Variants in MYH9 observed in about 807,000 individuals in gnomAD.
MYH9 encodes the protein myosin-9.
Under a neutral mutation model 241.9 loss-of-function variants are expected in MYH9, and 29 were observed. The observed-to-expected ratio is 0.12, with a 90% confidence interval of 0.09 to 0.16. The LOEUF is 0.16. MYH9 is among the 10% of genes least tolerant of loss of function. The pLI, the probability that MYH9 is intolerant of heterozygous loss-of-function variation, is 1.00. For missense variants in MYH9, 1,803 were observed against 2,595.5 expected (o/e 0.69, Z 6.63); for synonymous variants, 1,047 against 1,062.6 (o/e 0.99, Z 0.29).
intron 10 of MYH9, 105 bp downstream of exon 10, chr22:36,319,435 A>G (rs906017285): frequency 2.0e-5 from 21 of 1,052,642 alleles, no homozygotes; most frequent in Non-Finnish European, 2.9e-5. Context: ...AGATACTAAC[A>G]TTAAAAAGAA....
In MYH9 at chr22:36,296,869, C is replaced by T. The variant is rs147961725; in HGVS notation, c.3246G>A (p.Glu1082=). 84 of 1,612,606 alleles carry T rather than the reference C, an allele frequency of 5.2e-5. No individual in the cohort carries two copies. In the African/African-American group the frequency reaches 9.5e-4, roughly 18 times the overall value. The change falls in exon 25 of 41, where the codon GAG becomes GAA. Residue 1082 remains glutamate (E), a synonymous_variant. Coordinates refer to ENST00000216181, the MANE Select transcript of MYH9 (RefSeq NM_002473.6). ...TGGCCAGGGCGGCCTGGAGCTCCTC[C>T]TCTTTCTTGGCCAGCTGCATCTTGA... ...AELKMQLAKK[E]EELQAALARV...
chr22:36,348,157 A>G (rs1400416307), intron 2 of MYH9, among the ~76,000 whole-genome samples: 1 of 149,314 alleles, frequency 6.7e-6, no homozygotes, highest in Non-Finnish European at 1.5e-5. Context: ...AAAGATATTT[A>G]AAAAATAAAA....
Position 36,342,655 on chromosome 22 carries a change from A to C in MYH9, c.334-1129T>G, listed in dbSNP as rs145101735. Among the ~76,000 whole-genome samples the C allele has an allele frequency of 2.5e-3, 380 of 152,258 alleles. 15 individuals carry two copies. The East Asian group carries it at 0.064, about 26-fold the overall frequency. ...CCAAAAAAAAAAAAAAGATTCCTAA[A>C]AGCTGCGCAAGACTCCCAAGACCAC... On this transcript the variant is annotated intron_variant, in intron 2 of 40. Coordinates refer to ENST00000216181, the MANE Select transcript of MYH9 (RefSeq NM_002473.6).
At position 36,282,367 on chromosome 22, in the gene MYH9, T is replaced by C; in HGVS notation, c.*301A>G. On this transcript the variant is annotated 3_prime_UTR_variant, in exon 41 of 41. Transcript: ENST00000216181. ...GGCCTGCCCTGCTCGCCTCAACATCTTGTGCTTTTTGGCAAGAGAGGGCTG... is the reference window on the plus strand; with the variant it reads ...GGCCTGCCCTGCTCGCCTCAACATCCTGTGCTTTTTGGCAAGAGAGGGCTG... The C allele has an allele frequency of 1.8e-6, 1 of 560,180 alleles. No individual in the cohort carries two copies. Among genetic ancestry groups the C allele is most frequent in the South Asian group, 2.0e-5 (1 of 49,664 alleles). The allele number at this position is 560,180 out of a possible 1,614,324, so 34.7% of individuals were successfully genotyped here. A position where few individuals can be genotyped will look rare whatever the true frequency, so the allele number is the denominator to read the frequency against.
chr22:36,368,888 T>C (rs984634832), intron 1 of MYH9, among the ~76,000 whole-genome samples: 40 of 138,598 alleles, frequency 2.9e-4, no homozygotes, highest in African/African-American at 1.0e-3. Flanking sequence ...TTCAGATTCT[T>C]GTGTAAAAGC....
Position 36,285,792 on chromosome 22 carries a change from G to C in MYH9, c.5151-11C>G, listed in dbSNP as rs760895494. 6.2e-7 allele frequency: 1 copy of C among 1,609,976 alleles called. No homozygotes were observed. Among genetic ancestry groups the C allele is most frequent in the South Asian group, 1.1e-5 (1 of 90,614 alleles). ...TCTAACGCCAGGGCTCTGCGGGGTG[G>C]GCGGGAGAAGTGAGGGGCCTACCCT... On this transcript the variant is annotated splice_polypyrimidine_tract_variant and intron_variant, in intron 36 of 40. Coordinates refer to ENST00000216181, the MANE Select transcript of MYH9 (RefSeq NM_002473.6). This position sits in a 1 kb window ranked among gnomAD's most constrained non-coding sequence, Gnocchi z 7.0.
Position 36,305,836 on chromosome 22 carries a change from C to A in MYH9, c.2159+94G>T. On this transcript the variant is annotated intron_variant, in intron 17 of 40. Transcript: ENST00000216181. The surrounding 1 kb of genome is among the most constrained non-coding windows in gnomAD (Gnocchi z 4.7). ...ATGGATGGAGGACGTCGCTCCCTCA[C>A]GACAGGATCCTGCCAGGGAGCAGCA... The A allele has an allele frequency of 1.9e-6, 3 of 1,579,138 alleles. No homozygotes were observed. The highest frequency in any genetic ancestry group is 2.2e-5 in the East Asian group (1 of 44,530).
chr22:36,310,767 AG>A (rs2017049426), intron 14 of MYH9, among the ~76,000 whole-genome samples: 1 of 152,212 alleles, frequency 6.6e-6, no homozygotes, highest in African/African-American at 2.4e-5. Flanking sequence ...GGTGGGCTTT[AG>A]GGTATTCCTA....
chr22:36,319,480 G>A (rs1323199160), intron 10 of MYH9, 60 bp downstream of exon 10: 40 of 1,519,960 alleles, frequency 2.6e-5, no homozygotes, highest in Non-Finnish European at 3.1e-5. Flanking sequence ...CTTCCCTCCT[G>A]AGCAAATCCA....
Position 36,285,394 on chromosome 22 carries a change from C to T in MYH9, c.5275-65G>A. On this transcript the variant is annotated intron_variant, in intron 37 of 40. Transcript: ENST00000216181. This position sits in a 1 kb window ranked among gnomAD's most constrained non-coding sequence, Gnocchi z 7.0. ...CCCTGGCTGGAGGGCATGAGCAGGG[C>T]CAGAGGAAGGTGGCAGCAGGATCCC... is the stretch of plus-strand genomic sequence containing the variant. The T allele has an allele frequency of 1.3e-6, 2 of 1,538,666 alleles. No homozygotes were observed. Among genetic ancestry groups the T allele is most frequent in the Non-Finnish European group, 8.9e-7 (1 of 1,123,770 alleles).
chr22:36,288,517 G>A lies in MYH9; in HGVS notation c.4771-104C>T. The A allele has an allele frequency of 4.7e-6, 7 of 1,494,898 alleles. No individual in the cohort carries two copies. The highest frequency in any genetic ancestry group is 1.1e-5 in the South Asian group (1 of 88,060). 92.6% of individuals were successfully genotyped at this position (1,494,898 alleles called of 1,614,324 possible). A position where few individuals can be genotyped will look rare whatever the true frequency, so the allele number is the denominator to read the frequency against. On this transcript the variant is annotated intron_variant, in intron 33 of 40. Coordinates refer to ENST00000216181, the MANE Select transcript of MYH9 (RefSeq NM_002473.6). This position sits in a 1 kb window ranked among gnomAD's most constrained non-coding sequence, Gnocchi z 4.8. The stretch of plus-strand genomic sequence containing the variant: ...AGGCCAGTTCTGCAGGATCCATGGG[G>A]CCTCGGGAAACCAGTGGGGATTACT...
intron 1 of MYH9, among the ~76,000 whole-genome samples, chr22:36,376,888 C>T (rs1303199968): frequency 6.6e-6 from 1 of 152,090 alleles, no homozygotes; most frequent in Non-Finnish European, 1.5e-5. Context: ...CATGGTGAAA[C>T]CCTGTCTCTA....
rs748117696 is a variant in MYH9, at chr22:36,300,336, G to A, written c.2839-72C>T. 94 of 1,596,178 alleles carry A rather than the reference G, an allele frequency of 5.9e-5. No individual in the cohort carries two copies. The highest frequency in any genetic ancestry group is 1.7e-4 in the Middle Eastern group (1 of 5,996). On this transcript the variant is annotated intron_variant, in intron 22 of 40. Transcript: ENST00000216181. The surrounding 1 kb of genome is among the most constrained non-coding windows in gnomAD (Gnocchi z 5.0). ...GGCCAAGGTGAAGGCAGCAAGGTCC[G>A]AAGGCCAGATCCAAACGCCAAGGAG...
intron 5 of MYH9, among the ~76,000 whole-genome samples, chr22:36,324,084 C>T (rs2017298054): frequency 6.6e-6 from 1 of 152,244 alleles, no homozygotes; most frequent in Non-Finnish European, 1.5e-5. Flanking sequence ...TTCCCGCAGA[C>T]AGAAGGGAGC....
Position 36,341,500 on chromosome 22 carries a change from G to T in MYH9, c.360C>A (p.Val120=). 1 of 1,614,182 alleles carries T rather than the reference G, an allele frequency of 6.2e-7. No individual in the cohort carries two copies. Among genetic ancestry groups the T allele is most frequent in the South Asian group, 1.1e-5 (1 of 91,080 alleles). The part of the protein sequence containing the change: ...IYTYSGLFCV[V]INPYKNLPIY... ...TGGGCAGGTTCTTGTAAGGATTGAT[G>T]ACCACACAGAACAGGCCTGAATAGG... is the stretch of plus-strand genomic sequence containing the variant. The change falls in exon 3 of 41, where the codon GTC becomes GTA. Residue 120 remains valine, a synonymous_variant. Coordinates refer to ENST00000216181, the MANE Select transcript of MYH9 (RefSeq NM_002473.6).
chr22:36,289,926 G>A (rs1314361177), intron 31 of MYH9, among the ~76,000 whole-genome samples: 2 of 152,060 alleles, frequency 1.3e-5, no homozygotes, highest in East Asian at 3.9e-4. Flanking sequence ...ACAGCACAAA[G>A]CAACCAGAGA....
chr22:36,287,387 A>G (rs959390434), intron 34 of MYH9, among the ~76,000 whole-genome samples: 3 of 152,200 alleles, frequency 2.0e-5, no homozygotes, highest in Non-Finnish European at 4.4e-5. Flanking sequence ...CAGAGCATCT[A>G]TGCCCACAAC....
intron 2 of MYH9, among the ~76,000 whole-genome samples, chr22:36,346,062 G>T (rs1244368549): frequency 2.0e-5 from 3 of 151,344 alleles, no homozygotes; most frequent in Non-Finnish European, 4.4e-5. Context: ...CAGGAGAATC[G>T]CTTGAACCCG....
intron 13 of MYH9, among the ~76,000 whole-genome samples, chr22:36,313,929 C>T (rs2017108879): frequency 6.6e-6 from 1 of 152,208 alleles, no homozygotes; most frequent in Non-Finnish European, 1.5e-5. Flanking sequence ...AAGCCCAGCC[C>T]ACAGCTGCAG....
Sources: allele counts gnomAD v4.1 joint callset (sites outside exome capture counted in the v4.1 genomes callset), GRCh38; gene constraint gnomAD v4.1.1; non-coding constraint Gnocchi (gnomAD v3.1); transcripts MANE v1.5; gene names NCBI Gene and HGNC (gene_info 2026-07-23, HGNC 2026-07-21).